PACSIN2: variants seen among roughly 807,000 people sequenced by gnomAD.
The protein encoded by PACSIN2 is protein kinase C and casein kinase substrate in neurons 2, also known as protein kinase C and casein kinase substrate in neurons protein 2.
A neutral mutation model predicts 63.8 loss-of-function variants in PACSIN2; 25 were observed. The observed-to-expected ratio is 0.39, with a 90% CI of 0.29 to 0.55. The LOEUF is 0.55. Among genes scored for constraint, PACSIN2 ranks in the 20% least tolerant of loss-of-function variants. The pLI is 0.62. For missense variants in PACSIN2, 518 were observed against 646.9 expected (o/e 0.80, Z 2.16); for synonymous variants, 255 against 256.2 (o/e 1.00, Z 0.05).
At chr22:42,998,031 C>T (rs1383179692) in intron 1 of PACSIN2, among the ~76,000 whole-genome samples, 1 of 152,196 alleles carries the variant, frequency 6.6e-6, no homozygotes, top group Non-Finnish European at 1.5e-5. Context: ...AAAGAGGTTT[C>T]TCAGGAGCCA....
chr22:43,011,736 G>T lies in PACSIN2; in HGVS notation c.-78+3285C>A, dbSNP rs146208274. Reference sequence around the variant, plus strand: ...TATTAAAAATACAAAAACTAACCAGGCAAGGTGGCAGGCGCCTGTAATCCC... The same window carrying T: ...TATTAAAAATACAAAAACTAACCAGTCAAGGTGGCAGGCGCCTGTAATCCC... On this transcript the variant is annotated intron_variant, in intron 1 of 10. Transcript: ENST00000263246. Among the ~76,000 whole-genome samples, 1,158 of 152,196 alleles carry T rather than the reference G, an allele frequency of 7.6e-3. 8 individuals carry two copies. Among genetic ancestry groups the T allele is most frequent in the Admixed American group, 0.012 (190 of 15,274 alleles).
intron 1 of PACSIN2, among the ~76,000 whole-genome samples, chr22:42,930,011 T>C (rs1932753686): frequency 6.6e-6 from 1 of 152,182 alleles, no homozygotes; most frequent in Non-Finnish European, 1.5e-5. Context: ...CCTAAGATCC[T>C]TGAGGGCAGG....
intron 1 of PACSIN2, among the ~76,000 whole-genome samples, chr22:42,966,590 C>T (rs373455963): frequency 2.0e-5 from 3 of 152,278 alleles, no homozygotes; most frequent in African/African-American, 7.2e-5. Context: ...TGAAGTGAGA[C>T]TAATTAATGG....
rs377325676 is a variant in PACSIN2 at position 42,949,710 on chromosome 22, TCACA to T, written c.-77-37557_-77-37554del. Among the ~76,000 whole-genome samples, 653 of 134,922 alleles carry T rather than the reference TCACA, an allele frequency of 4.8e-3. 3 individuals carry two copies. The highest frequency in any genetic ancestry group is 0.023 in the African/African-American group (615 of 26,740). The allele number at this position is 134,922 out of a possible 152,430, so 88.5% of individuals were successfully genotyped here. A position where few individuals can be genotyped will look rare whatever the true frequency, so the allele number is the denominator to read the frequency against. ...CACACACACACTCACACACACTCTC[TCACA>T]CACACACACACAGGCAGAAAGAACC... On this transcript the variant is annotated intron_variant, in intron 1 of 10. Transcript: ENST00000263246.
At chr22:42,975,986 C>T (rs535167740) in intron 1 of PACSIN2, among the ~76,000 whole-genome samples, 46 of 152,306 alleles carry the variant, frequency 3.0e-4, no homozygotes, top group Non-Finnish European at 5.9e-4. Context: ...CCCTGGCCCC[C>T]ATGGCTTTCC....
rs1314891226 is a variant in PACSIN2 at position 42,870,119 on chromosome 22, T to TC, written c.*1237dup. 1.3e-5 allele frequency: 2 copies of TC among 149,814 alleles called. No homozygotes were observed. The highest frequency in any genetic ancestry group is 2.5e-5 in the African/African-American group (1 of 40,508). 9.3% of individuals were successfully genotyped at this position (149,814 alleles called of 1,614,324 possible). On this transcript the variant is annotated 3_prime_UTR_variant, in exon 11 of 11. Coordinates refer to ENST00000263246, the MANE Select transcript of PACSIN2 (RefSeq NM_001184970.3). ...GGCGACTCCGGGCAGCCCGAGACAC[T>TC]CGTGCTGCGGGTAAGACCCAGCTTC...
intron 2 of PACSIN2, among the ~76,000 whole-genome samples, chr22:42,909,942 C>G (rs947248712): frequency 6.6e-6 from 1 of 152,182 alleles, no homozygotes; most frequent in Non-Finnish European, 1.5e-5. Flanking sequence ...GGGAAGGGCC[C>G]CCACCAGCCT....
At chr22:42,916,358 A>C (rs1403154632) in intron 1 of PACSIN2, among the ~76,000 whole-genome samples, 2 of 124,534 alleles carry the variant, frequency 1.6e-5, no homozygotes, top group African/African-American at 6.1e-5. Flanking sequence ...ACCATGGCCA[A>C]TCTGGGAACT....
At chr22:42,982,115 G>A (rs1922210142) in intron 1 of PACSIN2, among the ~76,000 whole-genome samples, 1 of 133,030 alleles carries the variant, frequency 7.5e-6, no homozygotes, top group Non-Finnish European at 1.6e-5. Flanking sequence ...GCCCCGTCCG[G>A]GAGGGAGGTG....
chr22:42,958,763 C>A (rs1016354541), intron 1 of PACSIN2, among the ~76,000 whole-genome samples: 5 of 152,210 alleles, frequency 3.3e-5, no homozygotes, highest in African/African-American at 1.2e-4. Flanking sequence ...CTGTGAGGCA[C>A]AGGCTGCACC....
rs1340676484 is a variant in PACSIN2, at chr22:42,912,022, T to G, written c.59A>C (p.Glu20Ala). 3.7e-6 allele frequency: 6 copies of G among 1,601,504 alleles called. No individual in the cohort carries two copies. The highest frequency in any genetic ancestry group is 5.1e-6 in the Non-Finnish European group (6 of 1,174,152). Residue 20 changes from glutamate (E) to alanine (A), a missense_variant and splice_region_variant, in exon 2 of 11, where the codon GAG becomes GCG. By Grantham distance (107) the Glu-to-Ala change is moderately radical (BLOSUM62 -1). Coordinates refer to ENST00000263246, the MANE Select transcript of PACSIN2 (RefSeq NM_001184970.3). ...ACTGGAAGAAAGCAGGTGCATTACC[T>G]CCCAGAAGCTGTCGCTGGACACTTC... is the stretch of plus-strand genomic sequence containing the variant. ...GVEVSSDSFW[E>A]VGNYKRTVKR...
At position 42,870,947 on chromosome 22, in the gene PACSIN2, A is replaced by G. The variant is rs1928061456; in HGVS notation, c.*410T>C. 4.9e-6 allele frequency: 1 copy of G among 203,210 alleles called. No individual in the cohort carries two copies. 12.6% of individuals were successfully genotyped at this position (203,210 alleles called of 1,614,324 possible). ...ACACAGCCTTTAAATTAAAAACCTC[A>G]AAATCTTCACTCAAAATGGGATGTA... On this transcript the variant is annotated 3_prime_UTR_variant, in exon 11 of 11. Transcript: ENST00000263246.
intron 1 of PACSIN2, among the ~76,000 whole-genome samples, chr22:42,976,536 C>T (rs1400377369): frequency 6.6e-6 from 1 of 152,206 alleles, no homozygotes; most frequent in African/African-American, 2.4e-5. Flanking sequence ...ACTTAACAGG[C>T]TTGCTGCTGG....
intron 10 of PACSIN2, among the ~76,000 whole-genome samples, chr22:42,875,012 G>A (rs1053245897): frequency 2.6e-5 from 4 of 151,622 alleles, no homozygotes; most frequent in East Asian, 3.9e-4. Context: ...CACCACGCCC[G>A]GCTAATTTTT....
At chr22:42,879,494 C>T (rs554490052) in intron 7 of PACSIN2, among the ~76,000 whole-genome samples, 13 of 152,316 alleles carry the variant, frequency 8.5e-5, no homozygotes, top group East Asian at 7.7e-4. Flanking sequence ...GGGCAAGGTC[C>T]GGGGCCTCCT....
At chr22:42,891,923 C>A (rs1259125303) in intron 3 of PACSIN2, among the ~76,000 whole-genome samples, 1 of 152,220 alleles carries the variant, frequency 6.6e-6, no homozygotes, top group Non-Finnish European at 1.5e-5. Context: ...CCTGCACTGC[C>A]TTCCTCTGCA....
At chr22:43,004,962 G>C (rs945202806) in intron 1 of PACSIN2, among the ~76,000 whole-genome samples, 5 of 152,146 alleles carry the variant, frequency 3.3e-5, no homozygotes, top group African/African-American at 4.8e-5. Context: ...CAAAATGAGG[G>C]CTATGGAAAG....
At chr22:42,982,887 A>AAAAC (rs1245722593) in intron 1 of PACSIN2, among the ~76,000 whole-genome samples, 14 of 129,546 alleles carry the variant, frequency 1.1e-4, no homozygotes, top group South Asian at 2.6e-4. Context: ...AAAAAAAAAA[A>AAAAC]AAACAACAAC....
intron 1 of PACSIN2, among the ~76,000 whole-genome samples, chr22:42,960,254 C>T (rs1359573859): frequency 2.0e-5 from 3 of 152,218 alleles, no homozygotes; most frequent in Non-Finnish European, 4.4e-5. Flanking sequence ...ATCTGAGGGG[C>T]GTCACAGCAG....
Sources: allele counts gnomAD v4.1 joint callset (sites outside exome capture counted in the v4.1 genomes callset), GRCh38; gene constraint gnomAD v4.1.1; transcripts MANE v1.5; gene names NCBI Gene and HGNC (gene_info 2026-07-23, HGNC 2026-07-21).